IGF2BP2: variants seen among roughly 807,000 people sequenced by gnomAD.
IGF2BP2 encodes insulin like growth factor 2 mRNA binding protein 2.
Under a neutral mutation model 75.8 loss-of-function variants are expected in IGF2BP2, and 17 were observed. The ratio of observed to expected loss-of-function variants is 0.22; its 90% CI spans 0.15 to 0.34. The LOEUF is 0.34. IGF2BP2 is among the 10% of genes least tolerant of loss of function. The pLI is 1.00. For synonymous variants in IGF2BP2, 288 were observed against 295.6 expected (o/e 0.97, Z 0.26); for missense variants, 516 against 772.4 (o/e 0.67, Z 3.93).
At chr3:185,665,440 A>AAGGAGG (rs1157799705) in intron 10 of IGF2BP2, among the ~76,000 whole-genome samples, 1 of 55,486 alleles carries the variant, frequency 1.8e-5, no homozygotes, top group Non-Finnish European at 3.8e-5. Context: ...GGAGGAGGAG[A>AAGGAGG]AGGAGGAGGA....
At chr3:185,793,648 T>C (rs575746615) in intron 2 of IGF2BP2, among the ~76,000 whole-genome samples, 1 of 152,314 alleles carries the variant, frequency 6.6e-6, no homozygotes, top group African/African-American at 2.4e-5. Context: ...GACTCTTTTC[T>C]ATGGGTTGCT....
chr3:185,766,107 C>T (rs749150303), intron 2 of IGF2BP2, among the ~76,000 whole-genome samples: 6 of 152,118 alleles, frequency 3.9e-5, no homozygotes, highest in Non-Finnish European at 8.8e-5. Flanking sequence ...ACTCATCCTT[C>T]TCGGGATGCT....
chr3:185,687,218 ATTACAAGGTC>A, intron 6 of IGF2BP2, 27 bp from the exon 7 acceptor site: 2 of 1,591,592 alleles, frequency 1.3e-6, no homozygotes, highest in South Asian at 2.3e-5. Flanking sequence ...AGGAGCCATG[ATTACAAGGTC>A]ATCTGGATAG....
chr3:185,703,781 G>T (rs2149383807), intron 2 of IGF2BP2, among the ~76,000 whole-genome samples: 1 of 152,206 alleles, frequency 6.6e-6, no homozygotes. Context: ...TCAAAAGAAA[G>T]AAAGAAAGAG....
Position 185,824,961 on chromosome 3 carries a change from C to T in IGF2BP2, c.-1G>A. 1 of 1,519,712 alleles carries T rather than the reference C, an allele frequency of 6.6e-7. No homozygotes were observed. 94.1% of individuals were successfully genotyped at this position (1,519,712 alleles called of 1,614,324 possible). The stretch of plus-strand genomic sequence containing the variant: ...TCCCGATGTAAAGCTTGTTCATCAT[C>T]CGTCTCTTCCCCGAGAGCCCGCGGC... On this transcript the variant is annotated 5_prime_UTR_variant, in exon 1 of 16. Transcript: ENST00000382199.
chr3:185,758,690 G>A (rs1731957297), intron 2 of IGF2BP2, among the ~76,000 whole-genome samples: 1 of 152,136 alleles, frequency 6.6e-6, no homozygotes, highest in African/African-American at 2.4e-5. Context: ...AAGAGAGGGA[G>A]ACATAAAACT....
rs529354007 is a variant in IGF2BP2 at position 185,705,029 on chromosome 3, C to T, written c.240-6682G>A. On this transcript the variant is annotated intron_variant, in intron 2 of 15. Coordinates refer to ENST00000382199, the MANE Select transcript of IGF2BP2 (RefSeq NM_006548.6). ...AAAAAACAAATGATAAGCACAAATCCCTATGAATATTGGTAGTGTTATGAG... is the reference window on the plus strand; with the variant it reads ...AAAAAACAAATGATAAGCACAAATCTCTATGAATATTGGTAGTGTTATGAG... Among the ~76,000 whole-genome samples, 14 of 152,252 alleles carry T rather than the reference C, an allele frequency of 9.2e-5. No homozygotes were observed. In the East Asian group the frequency reaches 2.3e-3, roughly 25 times the overall value.
chr3:185,770,078 G>T (rs2149743347), intron 2 of IGF2BP2, among the ~76,000 whole-genome samples: 1 of 152,272 alleles, frequency 6.6e-6, no homozygotes, highest in Non-Finnish European at 1.5e-5. Context: ...CCCCTGGAAG[G>T]GAAACGAATC....
chr3:185,671,868 A>G (rs1718560843), intron 10 of IGF2BP2, among the ~76,000 whole-genome samples: 1 of 152,218 alleles, frequency 6.6e-6, no homozygotes, highest in Non-Finnish European at 1.5e-5. Context: ...CTGCGTAGAG[A>G]AAAATTAGGA....
At chr3:185,686,986 T>C (rs1721226436) in intron 7 of IGF2BP2, 71 bp downstream of exon 7, 1 of 1,546,382 alleles carries the variant, frequency 6.5e-7, no homozygotes, top group African/African-American at 1.4e-5. Context: ...AAAAAAAACC[T>C]CTTGGGTTAA....
chr3:185,653,676 C>T (rs1336539218), intron 12 of IGF2BP2, among the ~76,000 whole-genome samples: 3 of 151,982 alleles, frequency 2.0e-5, no homozygotes, highest in Non-Finnish European at 2.9e-5. Flanking sequence ...GAGCCAAGAC[C>T]GAGGTCAGAA....
chr3:185,745,878 G>GA (rs888781143), intron 2 of IGF2BP2, among the ~76,000 whole-genome samples: 232 of 140,478 alleles, frequency 1.7e-3, no homozygotes, highest in Middle Eastern at 3.6e-3. Context: ...TTGTACATAA[G>GA]AAAAAAAAAA....
intron 2 of IGF2BP2, among the ~76,000 whole-genome samples, chr3:185,710,400 A>G (rs1724634075): frequency 6.6e-6 from 1 of 152,086 alleles, no homozygotes; most frequent in South Asian, 2.1e-4. Context: ...TTGGCCCCTG[A>G]AGTTTCCTCT....
intron 1 of IGF2BP2, among the ~76,000 whole-genome samples, 183 bp downstream of exon 1, chr3:185,824,600 G>A (rs1323279648): frequency 6.6e-6 from 1 of 151,600 alleles, no homozygotes; most frequent in Non-Finnish European, 1.5e-5. Context: ...AGCTGTGGGG[G>A]GAGGGGAGCG....
At chr3:185,668,857 C>T (rs1718081606) in intron 10 of IGF2BP2, among the ~76,000 whole-genome samples, 1 of 152,036 alleles carries the variant, frequency 6.6e-6, no homozygotes, top group Non-Finnish European at 1.5e-5. Context: ...TTATAACAAT[C>T]CCCTAATGTA....
At chr3:185,736,514 A>G (rs1661344170) in intron 2 of IGF2BP2, among the ~76,000 whole-genome samples, 1 of 152,112 alleles carries the variant, frequency 6.6e-6, no homozygotes. Context: ...CACACACAAT[A>G]TGTGCACCAT....
intron 2 of IGF2BP2, among the ~76,000 whole-genome samples, chr3:185,766,170 T>C (rs1733023941): frequency 6.6e-6 from 1 of 152,140 alleles, no homozygotes; most frequent in South Asian, 2.1e-4. Flanking sequence ...CATATTTAAT[T>C]CTACTATCAA....
intron 2 of IGF2BP2, among the ~76,000 whole-genome samples, chr3:185,774,955 G>A (rs994687565): frequency 1.3e-4 from 19 of 151,842 alleles, no homozygotes; most frequent in African/African-American, 4.4e-4. Flanking sequence ...GGGAGGCGGG[G>A]CTTGCAGTGA....
intron 2 of IGF2BP2, among the ~76,000 whole-genome samples, chr3:185,812,586 G>T (rs1740046582): frequency 6.6e-6 from 1 of 152,204 alleles, no homozygotes; most frequent in Admixed American, 6.5e-5. Context: ...ATCAAGGAAT[G>T]AACTGAAGAC....
Sources: allele counts gnomAD v4.1 joint callset (sites outside exome capture counted in the v4.1 genomes callset), GRCh38; gene constraint gnomAD v4.1.1; transcripts MANE v1.5; gene names NCBI Gene and HGNC (gene_info 2026-07-23, HGNC 2026-07-21).